PPEF1: variants seen among roughly 807,000 people sequenced by gnomAD.
PPEF1 encodes protein phosphatase with EF-hand domain 1, also known as serine/threonine-protein phosphatase with EF-hands 1.
In PPEF1, 12 loss-of-function variants were observed where a neutral mutation model predicts 53.3. That is an observed-to-expected ratio of 0.23 (90% confidence interval 0.14 to 0.36). The LOEUF (loss-of-function observed/expected upper bound fraction) is 0.36, where lower values mean the gene tolerates loss of function less well. Among genes scored for constraint, PPEF1 ranks in the 10% least tolerant of loss-of-function variants. The probability of loss-of-function intolerance (pLI) is 1.00; values close to 1 mark genes in which losing one functional copy is unlikely to be tolerated. For synonymous variants in PPEF1, 165 were observed against 176.7 expected (o/e 0.93, Z 0.52); for missense variants, 334 against 490.4 (o/e 0.68, Z 3.01).
At chrX:18,716,086 A>G (rs956341606) in intron 1 of PPEF1, among the ~76,000 whole-genome samples, 1 of 112,001 alleles carries the variant, frequency 8.9e-6, no homozygotes, top group Non-Finnish European at 1.9e-5. Context: ...TTTGATGCGT[A>G]AGCTGTGACA....
At chrX:18,741,832 C>T (rs1038549718) in intron 3 of PPEF1, among the ~76,000 whole-genome samples, 1 of 85,377 alleles carries the variant, frequency 1.2e-5, no homozygotes, top group Admixed American at 1.6e-4. Flanking sequence ...GAGACAGAGT[C>T]TTGCTCTGTC....
chrX:18,813,304 G>A (rs188295612), intron 12 of PPEF1, among the ~76,000 whole-genome samples: 299 of 106,431 alleles, frequency 2.8e-3, no homozygotes, highest in African/African-American at 9.4e-3. Flanking sequence ...GCTTGAACCC[G>A]GGAGGCGGAG....
upstream of PPEF1, among the ~76,000 whole-genome samples, chrX:18,680,661 C>T (rs183126608): frequency 4.5e-4 from 50 of 110,010 alleles, 1 homozygote; most frequent in African/African-American, 1.6e-3. Context: ...TACATGTGCA[C>T]AACGTGCAGG....
chrX:18,738,646 G>A (rs1268467480), intron 3 of PPEF1, among the ~76,000 whole-genome samples: 2 of 111,417 alleles, frequency 1.8e-5, no homozygotes, highest in Non-Finnish European at 3.8e-5. Context: ...GGCATTCTCT[G>A]TATTTCCTGA....
At chrX:18,768,491 T>G (rs2045818705) in intron 6 of PPEF1, among the ~76,000 whole-genome samples, 1 of 112,376 alleles carries the variant, frequency 8.9e-6, no homozygotes, top group African/African-American at 3.2e-5. Context: ...CTGAGAGGCC[T>G]CACCATATTA....
intron 12 of PPEF1, among the ~76,000 whole-genome samples, chrX:18,810,794 G>A (rs1177950086): frequency 8.9e-6 from 1 of 112,076 alleles, no homozygotes; most frequent in Non-Finnish European, 1.9e-5. Flanking sequence ...GATATTTAGG[G>A]TGTTTCCACT....
At chrX:18,713,952 G>A (rs761068820) in intron 1 of PPEF1, among the ~76,000 whole-genome samples, 161 of 111,215 alleles carry the variant, frequency 1.4e-3, no homozygotes, top group African/African-American at 5.0e-3. Context: ...TTCAAATATT[G>A]GACCTTTTAA....
At chrX:18,705,366 A>G (rs1460675151), upstream of PPEF1, among the ~76,000 whole-genome samples, 2 of 111,528 alleles carry the variant, frequency 1.8e-5, no homozygotes, top group Non-Finnish European at 3.8e-5. Flanking sequence ...TGATCTTGTT[A>G]ATGTTCTTTA....
intron 1 of PPEF1, among the ~76,000 whole-genome samples, chrX:18,728,354 T>C (rs1176673279): frequency 1.8e-5 from 2 of 110,661 alleles, no homozygotes; most frequent in African/African-American, 6.6e-5. Context: ...AAAAGGTACG[T>C]CTTACATGGT....
chrX:18,685,350 A>G (rs1357392912), intron 2 of PPEF1, among the ~76,000 whole-genome samples: 1 of 112,337 alleles, frequency 8.9e-6, no homozygotes, highest in Non-Finnish European at 1.9e-5. Flanking sequence ...TTTAGAGGCT[A>G]TCTGCATGCT....
At chrX:18,709,177 C>A (rs774798374) in intron 1 of PPEF1, among the ~76,000 whole-genome samples, 1 of 112,161 alleles carries the variant, frequency 8.9e-6, no homozygotes, top group African/African-American at 3.2e-5. Context: ...TTCACAGTGT[C>A]GTGCAACCAC....
chrX:18,827,061 T>C (rs903574939), intron 15 of PPEF1, among the ~76,000 whole-genome samples: 1 of 112,231 alleles, frequency 8.9e-6, no homozygotes, highest in Non-Finnish European at 1.9e-5. Flanking sequence ...TTGCTCATTC[T>C]GGCTTTAGAA....
In PPEF1 at chrX:18,827,818, C is replaced by T. The variant is rs1051480991; in HGVS notation, c.*331C>T. On this transcript the variant is annotated 3_prime_UTR_variant, in exon 16 of 16. Coordinates refer to ENST00000470157, the MANE Select transcript of PPEF1 (RefSeq NM_001377996.1). ...GAAAACATCCTGAAAGGAACTCATACAGCACAAGAGAAAACTACTAAGCTT... is the reference window on the plus strand; with the variant it reads ...GAAAACATCCTGAAAGGAACTCATATAGCACAAGAGAAAACTACTAAGCTT... 1 of 180,686 alleles carries T rather than the reference C, an allele frequency of 5.5e-6. No individual in the cohort carries two copies. Among genetic ancestry groups the T allele is most frequent in the African/African-American group, 2.9e-5 (1 of 34,192 alleles). The allele number at this position is 180,686 out of a possible 1,213,427, so 14.9% of individuals were successfully genotyped here. A position where few individuals can be genotyped will look rare whatever the true frequency, so the allele number is the denominator to read the frequency against.
rs141065979 is a variant in PPEF1, at chrX:18,714,657, C to T, written c.46+6831C>T. On this transcript the variant is annotated intron_variant, in intron 1 of 15. Transcript: ENST00000470157. ...GATGACAAAGTATTTTTTGCTGTCACCCATTACACCATTTTATGCCACCTC... is the reference window on the plus strand; with the variant it reads ...GATGACAAAGTATTTTTTGCTGTCATCCATTACACCATTTTATGCCACCTC... 2.3e-3 allele frequency among the ~76,000 whole-genome samples: 258 copies of T among 112,388 alleles called. 2 individuals carry two copies. Among genetic ancestry groups the T allele is most frequent in the African/African-American group, 7.7e-3 (239 of 30,977 alleles).
intron 3 of PPEF1, among the ~76,000 whole-genome samples, chrX:18,739,990 A>G (rs1015493311): frequency 8.9e-6 from 1 of 112,438 alleles, no homozygotes. Flanking sequence ...GGAAAAGTGC[A>G]GTATTAGAGT....
intron 2 of PPEF1, among the ~76,000 whole-genome samples, chrX:18,684,783 C>T (rs1337987519): frequency 1.8e-5 from 2 of 110,998 alleles, no homozygotes; most frequent in African/African-American, 3.3e-5. Flanking sequence ...TCCGCCACCA[C>T]GCCTTGCTGA....
intron 6 of PPEF1, among the ~76,000 whole-genome samples, chrX:18,762,572 A>G (rs2045688048): frequency 9.0e-6 from 1 of 111,447 alleles, no homozygotes; most frequent in Non-Finnish European, 1.9e-5. Context: ...CCATAGACAG[A>G]GCATCCCCAA....
chrX:18,741,306 C>T lies in PPEF1; in HGVS notation c.235+7498C>T, dbSNP rs750071314. Among the ~76,000 whole-genome samples the T allele has an allele frequency of 8.9e-5, 10 of 112,177 alleles. No individual in the cohort carries two copies. In the East Asian group the frequency reaches 2.8e-3, roughly 31 times the overall value. On this transcript the variant is annotated intron_variant, in intron 3 of 15. Coordinates refer to ENST00000470157, the MANE Select transcript of PPEF1 (RefSeq NM_001377996.1). Reference sequence around the variant, plus strand: ...GACCTAATACTTCAACCCAGGCTCACTTCATCAGAATCACTTACGGAGTTT... The same window carrying T: ...GACCTAATACTTCAACCCAGGCTCATTTCATCAGAATCACTTACGGAGTTT...
chrX:18,752,204 C>CT (rs1569256257), intron 4 of PPEF1, among the ~76,000 whole-genome samples: 2 of 111,745 alleles, frequency 1.8e-5, no homozygotes, highest in Non-Finnish European at 3.8e-5. Flanking sequence ...GTGGACAAGT[C>CT]TTTCATCACC....
Sources: allele counts gnomAD v4.1 joint callset (sites outside exome capture counted in the v4.1 genomes callset), GRCh38; gene constraint gnomAD v4.1.1; transcripts MANE v1.5; gene names NCBI Gene and HGNC (gene_info 2026-07-23, HGNC 2026-07-21).